The following KCNQ3 variants were observed in gnomAD, a reference collection of about 807,000 sequenced individuals.
KCNQ3 encodes potassium voltage-gated channel subfamily Q member 3, also known as potassium voltage-gated channel subfamily KQT member 3.
Under a neutral mutation model 92.5 loss-of-function variants are expected in KCNQ3, and 30 were observed. The observed-to-expected ratio is 0.32, with a 90% confidence interval of 0.24 to 0.44. The LOEUF is 0.44. Among genes scored for constraint, KCNQ3 ranks in the 20% least tolerant of loss-of-function variants. The pLI, the probability that KCNQ3 is intolerant of heterozygous loss-of-function variation, is 1.00. For synonymous variants in KCNQ3, 450 were observed against 468.8 expected (o/e 0.96, Z 0.52); for missense variants, 913 against 1,140.3 (o/e 0.80, Z 2.87).
chr8:132,311,682 G>A (rs1008531112), intron 1 of KCNQ3, among the ~76,000 whole-genome samples: 4 of 152,186 alleles, frequency 2.6e-5, no homozygotes, highest in African/African-American at 7.2e-5. Flanking sequence ...ACACAGAAAT[G>A]CCAATTGTTA....
chr8:132,424,126 T>A (rs1587006698), intron 1 of KCNQ3, among the ~76,000 whole-genome samples: 1 of 136,792 alleles, frequency 7.3e-6, no homozygotes, highest in East Asian at 2.3e-4. Flanking sequence ...CCCACACCCC[T>A]CCCCCCGCCA....
chr8:132,168,824 A>G lies in KCNQ3; in HGVS notation c.1235+1510T>C, dbSNP rs142791003. On this transcript the variant is annotated intron_variant, in intron 8 of 14. Coordinates refer to ENST00000388996, the MANE Select transcript of KCNQ3 (RefSeq NM_004519.4). The stretch of plus-strand genomic sequence containing the variant: ...TGGGCACAGAGAGAGCCCCCTATCT[A>G]GTAGCATTGGGTTATATGAGGGTCC... 7.4e-5 allele frequency among the ~76,000 whole-genome samples: 11 copies of G among 148,524 alleles called. No homozygotes were observed. In the East Asian group the frequency reaches 2.2e-3, roughly 30 times the overall value.
intron 1 of KCNQ3, among the ~76,000 whole-genome samples, chr8:132,315,938 G>A (rs774310252): frequency 3.3e-5 from 5 of 152,140 alleles, no homozygotes; most frequent in Non-Finnish European, 1.5e-5. Flanking sequence ...AGGCAGTAGG[G>A]AAACTGTCTT....
chr8:132,349,350 C>T (rs946887239), intron 1 of KCNQ3, among the ~76,000 whole-genome samples: 1 of 152,146 alleles, frequency 6.6e-6, no homozygotes, highest in African/African-American at 2.4e-5. Flanking sequence ...ATGGAACAAC[C>T]CACAAAATCA....
At chr8:132,257,469 G>A (rs1815625180) in intron 1 of KCNQ3, among the ~76,000 whole-genome samples, 1 of 152,086 alleles carries the variant, frequency 6.6e-6, no homozygotes, top group African/African-American at 2.4e-5. Context: ...GTTTAGGCCG[G>A]GCGCGGTGGC....
At position 132,480,719 on chromosome 8, in the gene KCNQ3, GC is replaced by G; in HGVS notation, c.-188del. 1 of 497,246 alleles carries G rather than the reference GC, an allele frequency of 2.0e-6. No homozygotes were observed. Among genetic ancestry groups the G allele is most frequent in the Non-Finnish European group, 2.6e-6 (1 of 378,674 alleles). The allele number at this position is 497,246 out of a possible 1,614,324, so 30.8% of individuals were successfully genotyped here. ...GCGGGCCCCCTGGGGGGCAGGGGAG[GC>G]CAGGCAGGGGGTCAGGGGGTCACAT... On this transcript the variant is annotated 5_prime_UTR_variant, in exon 1 of 15. Coordinates refer to ENST00000388996, the MANE Select transcript of KCNQ3 (RefSeq NM_004519.4).
At chr8:132,443,161 G>A (rs1301443018) in intron 1 of KCNQ3, among the ~76,000 whole-genome samples, 2 of 152,280 alleles carry the variant, frequency 1.3e-5, no homozygotes, top group East Asian at 3.9e-4. Context: ...AGGGGGTCGG[G>A]GAGGACTGGC....
chr8:132,371,023 C>T (rs1819458297), intron 1 of KCNQ3, among the ~76,000 whole-genome samples: 1 of 152,182 alleles, frequency 6.6e-6, no homozygotes, highest in Admixed American at 6.5e-5. Flanking sequence ...TGTGCACTCC[C>T]CATTTTGCAA....
chr8:132,219,340 C>A (rs1023150144), intron 1 of KCNQ3, among the ~76,000 whole-genome samples: 1 of 152,132 alleles, frequency 6.6e-6, no homozygotes, highest in Admixed American at 6.5e-5. Context: ...GCCCAGTGAG[C>A]TATAAGCAAC....
At chr8:132,396,937 A>T (rs1020092856) in intron 1 of KCNQ3, among the ~76,000 whole-genome samples, 1 of 148,282 alleles carries the variant, frequency 6.7e-6, no homozygotes, top group African/African-American at 2.5e-5. Context: ...TGGGATAAAA[A>T]TTGTGTGTGT....
At chr8:132,238,709 T>C (rs1814895561) in intron 1 of KCNQ3, among the ~76,000 whole-genome samples, 2 of 152,194 alleles carry the variant, frequency 1.3e-5, no homozygotes, top group African/African-American at 4.8e-5. Context: ...TTCCCAAATA[T>C]GTCATACTCT....
At chr8:132,232,394 G>A (rs551826488) in intron 1 of KCNQ3, among the ~76,000 whole-genome samples, 132 of 152,290 alleles carry the variant, frequency 8.7e-4, no homozygotes, top group East Asian at 3.3e-3. Context: ...GGACTCAATC[G>A]TTGATAATTT....
At chr8:132,150,337 C>T (rs1825597563) in intron 9 of KCNQ3, among the ~76,000 whole-genome samples, 1 of 152,140 alleles carries the variant, frequency 6.6e-6, no homozygotes, top group Non-Finnish European at 1.5e-5. Context: ...TAGATTCAAT[C>T]CTGGCCTAGG....
At chr8:132,188,151 C>A (rs574334978) in intron 1 of KCNQ3, among the ~76,000 whole-genome samples, 19 of 152,276 alleles carry the variant, frequency 1.2e-4, no homozygotes, top group South Asian at 1.0e-3. Flanking sequence ...TTTTGAGCAG[C>A]TCATTGACTT....
chr8:132,462,243 G>A (rs1236881310), intron 1 of KCNQ3, among the ~76,000 whole-genome samples: 1 of 152,020 alleles, frequency 6.6e-6, no homozygotes, highest in African/African-American at 2.4e-5. Flanking sequence ...TTGTTGCCCA[G>A]GTTGGAGTGC....
chr8:132,353,505 G>C (rs575646918), intron 1 of KCNQ3, among the ~76,000 whole-genome samples: 2 of 152,154 alleles, frequency 1.3e-5, no homozygotes, highest in South Asian at 4.2e-4. Flanking sequence ...AATCACTTAC[G>C]GTCTCATTTT....
At chr8:132,293,813 G>A (rs577596666) in intron 1 of KCNQ3, among the ~76,000 whole-genome samples, 1 of 152,118 alleles carries the variant, frequency 6.6e-6, no homozygotes, top group Non-Finnish European at 1.5e-5. Flanking sequence ...ATCTGGAAAT[G>A]GCAGCAAGCA....
At chr8:132,416,386 G>A (rs146985718) in intron 1 of KCNQ3, among the ~76,000 whole-genome samples, 282 of 152,204 alleles carry the variant, frequency 1.9e-3, no homozygotes, top group Middle Eastern at 0.01. Context: ...CTAGCACTTT[G>A]GGAGGCTGAG....
At chr8:132,138,789 C>T (rs971142938) in intron 11 of KCNQ3, among the ~76,000 whole-genome samples, 5 of 152,226 alleles carry the variant, frequency 3.3e-5, no homozygotes, top group African/African-American at 1.2e-4. Flanking sequence ...TTTAATGGTG[C>T]ATTCAAAGTT....
Sources: allele counts gnomAD v4.1 joint callset (sites outside exome capture counted in the v4.1 genomes callset), GRCh38; gene constraint gnomAD v4.1.1; transcripts MANE v1.5; gene names NCBI Gene and HGNC (gene_info 2026-07-23, HGNC 2026-07-21).